The following KNL1 variants were observed in gnomAD, a reference collection of about 807,000 sequenced individuals.
KNL1 encodes the protein outer kinetochore KNL1 complex subunit KNL1.
KNL1 carries 66 observed loss-of-function variants against 201.3 expected under a neutral mutation model. The ratio of observed to expected loss-of-function variants is 0.33; its 90% CI spans 0.27 to 0.40. The LOEUF (loss-of-function observed/expected upper bound fraction) is 0.40. KNL1 is among the 10% of genes least tolerant of loss of function. The pLI is 1.00. For missense variants in KNL1, 2,815 were observed against 2,690.5 expected (o/e 1.05, Z -1.02); for synonymous variants, 895 against 899.2 (o/e 1.00, Z 0.08).
Position 40,662,908 on chromosome 15 carries a change from C to T in KNL1, c.*720C>T, listed in dbSNP as rs756136044. The T allele has an allele frequency of 8.4e-5, 15 of 179,368 alleles. No homozygotes were observed. Among genetic ancestry groups the T allele is most frequent in the Admixed American group, 6.3e-5 (1 of 15,834 alleles). 11.1% of individuals were successfully genotyped at this position (179,368 alleles called of 1,614,324 possible). A position where few individuals can be genotyped will look rare whatever the true frequency, so the allele number is the denominator to read the frequency against. On this transcript the variant is annotated 3_prime_UTR_variant, in exon 26 of 26. Transcript: ENST00000399668. The stretch of plus-strand genomic sequence containing the variant: ...CCAGGAGGCAGAGGTTGCAGTAAGC[C>T]GAGACCATTCCACTGCACTCCAGCC...
rs2141722616 is a variant in KNL1, at chr15:40,623,095, T to C, written c.2831T>C (p.Val944Ala). ...ITTRPMDKTV[V>A]FVDNHVELEM... ...ACTAGGCCTATGGACAAAACTGTAG[T>C]GTTTGTAGATAATCATGTTGAACTA... Residue 944 changes from valine (V) to alanine (A), a missense_variant, in exon 10 of 26, where the codon GTG becomes GCG. This residue lies in a region of KNL1 where 2,464 missense variants were observed against 2,291.7 expected (regional missense o/e 1.08). Transcript: ENST00000399668. 9 of 1,613,774 alleles carry C rather than the reference T, an allele frequency of 5.6e-6. No individual in the cohort carries two copies. Among genetic ancestry groups the C allele is most frequent in the Non-Finnish European group, 6.8e-6 (8 of 1,179,796 alleles).
chr15:40,648,628 A>T (rs111823272), intron 17 of KNL1, among the ~76,000 whole-genome samples: 2 of 152,006 alleles, frequency 1.3e-5, no homozygotes, highest in African/African-American at 2.4e-5. Context: ...TTCCTTTCCT[A>T]TTAAGGCTCA....
chr15:40,644,301 A>G (rs990864388), intron 14 of KNL1, among the ~76,000 whole-genome samples: 1 of 152,270 alleles, frequency 6.6e-6, no homozygotes, highest in African/African-American at 2.4e-5. Context: ...CCACTCAAAC[A>G]TCTCAGTGGA....
chr15:40,609,994 G>A (rs1195130640), intron 5 of KNL1, among the ~76,000 whole-genome samples: 6 of 152,092 alleles, frequency 3.9e-5, no homozygotes, highest in South Asian at 2.1e-4. Context: ...AGCTGTGATC[G>A]CACCACTGCA....
At chr15:40,630,425 A>C (rs1024004746) in intron 13 of KNL1, among the ~76,000 whole-genome samples, 4 of 152,210 alleles carry the variant, frequency 2.6e-5, no homozygotes, top group Non-Finnish European at 4.4e-5. Context: ...GATTCTTAGA[A>C]ATTAAGAAAC....
In KNL1 at chr15:40,659,402, A is replaced by G; in HGVS notation, c.6777A>G (p.Ser2259=). 1.2e-6 allele frequency: 2 copies of G among 1,613,630 alleles called. No homozygotes were observed. Among genetic ancestry groups the G allele is most frequent in the Non-Finnish European group, 1.7e-6 (2 of 1,179,548 alleles). Residue 2259 remains serine (S), a synonymous_variant, in exon 25 of 26, where the codon TCA becomes TCG. Coordinates refer to ENST00000399668, the MANE Select transcript of KNL1 (RefSeq NM_144508.5). ...AGTTTGAAATAACTTTGTTTCTCTC[A>G]GCCTATTATCCATCTGTACCATTAC... ...FAKFEITLFL[S]AYYPSVPLPS...
intron 2 of KNL1, among the ~76,000 whole-genome samples, chr15:40,604,335 T>G (rs1891905956): frequency 6.6e-6 from 1 of 152,196 alleles, no homozygotes; most frequent in Non-Finnish European, 1.5e-5. Flanking sequence ...GTGGCTTGTT[T>G]GCAGCCTGCA....
chr15:40,599,005 A>G (rs937424803), intron 1 of KNL1, among the ~76,000 whole-genome samples: 5 of 151,664 alleles, frequency 3.3e-5, no homozygotes, highest in African/African-American at 7.3e-5. Context: ...AGATCTCACT[A>G]TGTTGCCCAG....
intron 6 of KNL1, among the ~76,000 whole-genome samples, chr15:40,611,237 T>TA (rs1892149987): frequency 6.6e-6 from 1 of 151,880 alleles, no homozygotes; most frequent in Non-Finnish European, 1.5e-5. Context: ...GCCTCCTGAG[T>TA]AGCTGGGATT....
At chr15:40,648,553 C>G (rs1423667563) in intron 17 of KNL1, among the ~76,000 whole-genome samples, 1 of 152,150 alleles carries the variant, frequency 6.6e-6, no homozygotes, top group Non-Finnish European at 1.5e-5. Context: ...TCAATACTTT[C>G]ATTGTCTTTG....
chr15:40,636,320 A>G (rs1362530195), intron 13 of KNL1, among the ~76,000 whole-genome samples: 2 of 152,172 alleles, frequency 1.3e-5, no homozygotes, highest in Non-Finnish European at 1.5e-5. Flanking sequence ...ACTGCATTCA[A>G]TATGTGCTTG....
Position 40,659,443 on chromosome 15 carries a change from A to G in KNL1, c.6818A>G (p.Asn2273Ser). 1 of 1,613,660 alleles carries G rather than the reference A, an allele frequency of 6.2e-7. No homozygotes were observed. The highest frequency in any genetic ancestry group is 8.5e-7 in the Non-Finnish European group (1 of 1,179,724). ...GTACCATTACCTTCCACCATTCAGAATCACGTTGGGAACACTAGGTGAGTA... is the reference window on the plus strand; with the variant it reads ...GTACCATTACCTTCCACCATTCAGAGTCACGTTGGGAACACTAGGTGAGTA... Reference protein sequence around the residue: ...PSVPLPSTIQNHVGNTSQDDI... With the variant: ...PSVPLPSTIQSHVGNTSQDDI... The change falls in exon 25 of 26, where the codon AAT (asparagine) becomes AGT (serine). Residue 2273 changes from asparagine (N) to serine (S), a missense_variant. Physicochemically the swap from Asn to Ser is conservative, Grantham distance 46. Around this residue, in one of 3 missense-constraint regions of KNL1, gnomAD observed 334 missense variants for 362.6 expected, o/e 0.92. Transcript: ENST00000399668.
rs1179554021 is a variant in KNL1 at position 40,622,731 on chromosome 15, T to C, written c.2467T>C (p.Cys823Arg). Residue 823 changes from cysteine (C) to arginine (R), a missense_variant, in exon 10 of 26, where the codon TGT (cysteine) becomes CGT (arginine). Cys to Arg is a radical substitution (Grantham distance 180). This residue lies in a region of KNL1 where 2,464 missense variants were observed against 2,291.7 expected (regional missense o/e 1.08). Transcript: ENST00000399668. Reference sequence around the variant, plus strand: ...AAAAAGTGGAGTGCTTAAATCTAACTGTATTATGGATGTGTTAGAGGACGA... The same window carrying C: ...AAAAAGTGGAGTGCTTAAATCTAACCGTATTATGGATGTGTTAGAGGACGA... ...IEKSGVLKSN[C>R]IMDVLEDESV... 2 of 1,594,440 alleles carry C rather than the reference T, an allele frequency of 1.3e-6. No homozygotes were observed. Among genetic ancestry groups the C allele is most frequent in the South Asian group, 2.3e-5 (2 of 87,956 alleles).
chr15:40,637,347 A>G (rs1893087014), intron 13 of KNL1, among the ~76,000 whole-genome samples: 2 of 146,450 alleles, frequency 1.4e-5, no homozygotes, highest in South Asian at 2.2e-4. Flanking sequence ...AAATTAATAT[A>G]GGCTTGATTA....
intron 13 of KNL1, among the ~76,000 whole-genome samples, chr15:40,635,317 G>C (rs1342517405): frequency 6.6e-6 from 1 of 151,948 alleles, no homozygotes; most frequent in Non-Finnish European, 1.5e-5. Context: ...CTCCCAAAGT[G>C]CTGGGATTAC....
intron 2 of KNL1, among the ~76,000 whole-genome samples, chr15:40,603,893 G>A (rs1891890069): frequency 6.6e-6 from 1 of 152,212 alleles, no homozygotes; most frequent in African/African-American, 2.4e-5. Context: ...TTTAGAATGA[G>A]GGTAGTAACT....
rs141970499 is a variant in KNL1 at position 40,640,330 on chromosome 15, A to T, written c.5683-582A>T. Reference sequence around the variant, plus strand: ...AGGCTGGTCTCAAACTCCTGACCTCAAGTGATCTGCCTGCCACCTCCCAAA... The same window carrying T: ...AGGCTGGTCTCAAACTCCTGACCTCTAGTGATCTGCCTGCCACCTCCCAAA... On this transcript the variant is annotated intron_variant, in intron 13 of 25. Transcript: ENST00000399668. 1.1e-4 allele frequency among the ~76,000 whole-genome samples: 16 copies of T among 152,052 alleles called. No homozygotes were observed. In the East Asian group the frequency reaches 2.3e-3, roughly 22 times the overall value.
intron 13 of KNL1, among the ~76,000 whole-genome samples, chr15:40,638,604 G>A (rs1176433074): frequency 6.6e-6 from 1 of 151,346 alleles, no homozygotes; most frequent in Non-Finnish European, 1.5e-5. Context: ...TGATTTTCTC[G>A]CCTCAGCCCC....
intron 13 of KNL1, among the ~76,000 whole-genome samples, chr15:40,636,882 C>T (rs1035566837): frequency 6.6e-6 from 1 of 152,174 alleles, no homozygotes; most frequent in African/African-American, 2.4e-5. Flanking sequence ...TCCCCTCCCC[C>T]GCATTATTGT....
Sources: gnomAD v4.1 joint callset for allele counts (sites outside exome capture counted in the v4.1 genomes callset) on GRCh38, gnomAD v4.1.1 for gene constraint, gnomAD v4.1.1 regional missense constraint, MANE v1.5 for transcripts, NCBI Gene and HGNC (gene_info 2026-07-23, HGNC 2026-07-21) for gene names.